Variants in LMAN1 observed in about 807,000 individuals in gnomAD.
LMAN1 encodes lectin, mannose binding 1.
In LMAN1, 32 loss-of-function variants were observed where a neutral mutation model predicts 67.8. The ratio of observed to expected loss-of-function variants is 0.47; its 90% CI spans 0.36 to 0.63. The LOEUF (loss-of-function observed/expected upper bound fraction) is 0.63, where lower values mean the gene tolerates loss of function less well. Among genes scored for constraint, LMAN1 ranks in the 30% least tolerant of loss-of-function variants. LMAN1 has a pLI of 0.00. For missense variants in LMAN1, 632 were observed against 628.2 expected (o/e 1.01, Z -0.06); for synonymous variants, 235 against 219.3 (o/e 1.07, Z -0.63).
At chr18:59,352,078 T>C (rs551110360) in intron 5 of LMAN1, among the ~76,000 whole-genome samples, 4 of 152,210 alleles carry the variant, frequency 2.6e-5, no homozygotes, top group Non-Finnish European at 5.9e-5. Flanking sequence ...CAGGTATTAA[T>C]GGCATCTTTA....
intron 7 of LMAN1, 62 bp downstream of exon 7, chr18:59,347,451 A>G (rs8091312): frequency 1.6e-6 from 2 of 1,254,464 alleles, no homozygotes; most frequent in South Asian, 1.3e-5. Flanking sequence ...TTAGTCTTCC[A>G]AAACGTTCAG....
intron 10 of LMAN1, among the ~76,000 whole-genome samples, chr18:59,335,913 T>C (rs1908136255): frequency 6.6e-6 from 1 of 152,244 alleles, no homozygotes; most frequent in Admixed American, 6.5e-5. Context: ...TGTACTTATA[T>C]GCATACTCAA....
At chr18:59,353,040 C>A in intron 5 of LMAN1, 162 bp downstream of exon 5, 1 of 656,378 alleles carries the variant, frequency 1.5e-6, no homozygotes, top group South Asian at 1.6e-5. Flanking sequence ...CAGATGACCA[C>A]TTACACTGAG....
intron 8 of LMAN1, 29 bp from the exon 9 acceptor site, chr18:59,338,982 GA>G: frequency 6.3e-7 from 1 of 1,587,630 alleles, no homozygotes; most frequent in South Asian, 1.1e-5. Context: ...AAAATGATCA[GA>G]GTCACCTACA....
intron 5 of LMAN1, chr18:59,351,299 A>C (rs1053268363): frequency 5.3e-5 from 8 of 152,254 alleles, no homozygotes; most frequent in African/African-American, 1.9e-4. Flanking sequence ...CTAAGAGTTT[A>C]GGAGAGACAG....
At chr18:59,346,811 C>T (rs534106260) in intron 7 of LMAN1, among the ~76,000 whole-genome samples, 3 of 152,164 alleles carry the variant, frequency 2.0e-5, no homozygotes, top group Admixed American at 2.0e-4. Flanking sequence ...TGAGCCACCA[C>T]ACCCGGCCTA....
At chr18:59,343,221 T>C (rs7236989) in intron 8 of LMAN1, among the ~76,000 whole-genome samples, 96,372 of 151,622 alleles carry the variant, frequency 0.64, 30,811 homozygotes, top group African/African-American at 0.69. Context: ...ATGACCATAC[T>C]GCCCAAAACT....
chr18:59,335,905 T>C (rs1257768651), intron 10 of LMAN1, among the ~76,000 whole-genome samples: 2 of 152,238 alleles, frequency 1.3e-5, no homozygotes, highest in African/African-American at 4.8e-5. Flanking sequence ...ACTTTGTGTG[T>C]ACTTATATGC....
chr18:59,355,694 A>G lies in LMAN1; in HGVS notation c.215-36T>C, dbSNP rs777385932. On this transcript the variant is annotated intron_variant, in intron 1 of 12. Transcript: ENST00000251047. ...AATCAGGGGAAAAAAGCTTTAAGTT[A>G]TAATTAGGTAAAACTCAATGATCAT... 29 of 1,602,584 alleles carry G rather than the reference A, an allele frequency of 1.8e-5. No homozygotes were observed. The South Asian group carries it at 2.4e-4, about 13-fold the overall frequency.
At chr18:59,331,272 T>C (rs2070745650) in intron 12 of LMAN1, 143 bp from the exon 13 acceptor site, 1 of 1,063,744 alleles carries the variant, frequency 9.4e-7, no homozygotes, top group East Asian at 2.5e-5. Context: ...ACGTGCACTT[T>C]ATGTGAACTG....
At chr18:59,336,220 C>G (rs149434206) in intron 10 of LMAN1, among the ~76,000 whole-genome samples, 1 of 152,164 alleles carries the variant, frequency 6.6e-6, no homozygotes, top group Non-Finnish European at 1.5e-5. Flanking sequence ...ATGAGCATAC[C>G]TAGTGCCCAA....
Position 59,359,231 on chromosome 18 carries a change from C to T in LMAN1, c.14G>A (p.Arg5Lys), listed in dbSNP as rs774634177. ...AACTCTGGCCCGGAGACCCCTTTGC[C>T]TGGATCCCGCCATCTTGGATTCTGG... Reference protein sequence around the residue: MAGSRQRGLRARVRP... With the variant: MAGSKQRGLRARVRP... Residue 5 changes from arginine to lysine, a missense_variant, in exon 1 of 13, where the codon AGG becomes AAG. Arg to Lys is a conservative substitution (Grantham distance 26, BLOSUM62 2). Transcript: ENST00000251047. 3.1e-6 allele frequency: 5 copies of T among 1,613,816 alleles called. No individual in the cohort carries two copies. In the Admixed American group the frequency reaches 6.7e-5, roughly 22 times the overall value.
At chr18:59,352,039 A>AT (rs1232805698) in intron 5 of LMAN1, among the ~76,000 whole-genome samples, 6 of 151,942 alleles carry the variant, frequency 3.9e-5, no homozygotes, top group Non-Finnish European at 5.9e-5. Flanking sequence ...TTCATACACT[A>AT]TTTTTTTTAC....
intron 7 of LMAN1, among the ~76,000 whole-genome samples, chr18:59,346,283 T>C (rs978575289): frequency 4.9e-5 from 7 of 142,788 alleles, no homozygotes; most frequent in Non-Finnish European, 1.1e-4. Flanking sequence ...TGCAGTAGCG[T>C]GATCTCGGCT....
chr18:59,339,049 T>A, intron 8 of LMAN1, 96 bp from the exon 9 acceptor site: 1 of 902,004 alleles, frequency 1.1e-6, no homozygotes, highest in Non-Finnish European at 1.8e-6. Context: ...TCAGCAAAAT[T>A]AGGACATCAC....
At chr18:59,336,586 G>A (rs1239896719) in intron 10 of LMAN1, among the ~76,000 whole-genome samples, 2 of 152,102 alleles carry the variant, frequency 1.3e-5, no homozygotes, top group Non-Finnish European at 2.9e-5. Flanking sequence ...GAATTATTTC[G>A]AAATATAAAC....
chr18:59,338,673 A>G, intron 9 of LMAN1, 46 bp from the exon 10 acceptor site: 1 of 1,604,184 alleles, frequency 6.2e-7, no homozygotes, highest in Non-Finnish European at 8.5e-7. Context: ...TCCACATTCT[A>G]TGAGCACATA....
At chr18:59,344,725 A>T (rs141462529) in intron 8 of LMAN1, among the ~76,000 whole-genome samples, 2 of 152,254 alleles carry the variant, frequency 1.3e-5, no homozygotes, top group Non-Finnish European at 2.9e-5. Flanking sequence ...GAGTACACTA[A>T]AACCCCAGAC....
At chr18:59,347,483 TAA>T in intron 7 of LMAN1, 28 bp downstream of exon 7, 2 of 1,565,344 alleles carry the variant, frequency 1.3e-6, no homozygotes, top group Non-Finnish European at 1.8e-6. Flanking sequence ...ACTAAACTGA[TAA>T]AGTTTTTGAA....
Sources: gnomAD v4.1 joint callset for allele counts (sites outside exome capture counted in the v4.1 genomes callset) on GRCh38, gnomAD v4.1.1 for gene constraint, MANE v1.5 for transcripts, NCBI Gene and HGNC (gene_info 2026-07-23, HGNC 2026-07-21) for gene names.